The following ADAMTSL1 variants were observed in gnomAD, a reference collection of about 807,000 sequenced individuals.
The protein encoded by ADAMTSL1 is ADAMTS like 1.
Under a neutral mutation model 201.8 loss-of-function variants are expected in ADAMTSL1, and 126 were observed. The observed-to-expected ratio is 0.62, with a 90% CI of 0.54 to 0.72. The LOEUF (loss-of-function observed/expected upper bound fraction) is 0.72, where lower values mean the gene tolerates loss of function less well. Among genes scored for constraint, ADAMTSL1 ranks in the 30% least tolerant of loss-of-function variants. The pLI is 0.00. For synonymous variants in ADAMTSL1, 1,121 were observed against 903.4 expected (o/e 1.24, Z -4.32); for missense variants, 2,679 against 2,277.8 (o/e 1.18, Z -3.59).
At chr9:18,256,786 C>G (rs1831706927) in intron 2 of ADAMTSL1, among the ~76,000 whole-genome samples, 1 of 152,214 alleles carries the variant, frequency 6.6e-6, no homozygotes, top group Admixed American at 6.5e-5. Context: ...CCCGGGTGCT[C>G]TGATAGTGAC....
chr9:18,729,255 T>C (rs559754381), intron 15 of ADAMTSL1, among the ~76,000 whole-genome samples: 8 of 152,352 alleles, frequency 5.3e-5, no homozygotes, highest in East Asian at 3.9e-4. Flanking sequence ...TATTCTGTGA[T>C]TCTTTGAAGG....
chr9:18,604,797 C>T (rs895321500), intron 4 of ADAMTSL1, among the ~76,000 whole-genome samples: 2 of 152,092 alleles, frequency 1.3e-5, no homozygotes, highest in East Asian at 3.9e-4. Flanking sequence ...TACAGAATCA[C>T]GTGGTAATTG....
intron 2 of ADAMTSL1, among the ~76,000 whole-genome samples, chr9:18,373,997 C>A (rs1014550779): frequency 1.6e-4 from 25 of 152,188 alleles, no homozygotes; most frequent in African/African-American, 6.0e-4. Context: ...TAGGAACTTT[C>A]CATCTGGGGA....
chr9:18,828,403 A>T (rs1166143620), intron 22 of ADAMTSL1, among the ~76,000 whole-genome samples: 2 of 151,844 alleles, frequency 1.3e-5, no homozygotes, highest in Admixed American at 1.3e-4. Flanking sequence ...CATGAGTTTC[A>T]AGAGGAAGTA....
chr9:18,540,350 C>T (rs1276160584), intron 3 of ADAMTSL1, among the ~76,000 whole-genome samples: 5 of 152,014 alleles, frequency 3.3e-5, no homozygotes, highest in African/African-American at 9.7e-5. Flanking sequence ...GGCCGAGAAG[C>T]GATAGTGAAT....
At chr9:18,509,149 A>G (rs1230262353) in intron 2 of ADAMTSL1, among the ~76,000 whole-genome samples, 3 of 76,052 alleles carry the variant, frequency 3.9e-5, no homozygotes, top group Non-Finnish European at 7.4e-5. Flanking sequence ...GCGCCACTGC[A>G]GTCCGCAGTC....
intron 1 of ADAMTSL1, among the ~76,000 whole-genome samples, chr9:18,074,995 T>C (rs1448849865): frequency 6.6e-6 from 1 of 152,162 alleles, no homozygotes; most frequent in Non-Finnish European, 1.5e-5. Flanking sequence ...TTTATACCTA[T>C]ATTCCTTATT....
At chr9:18,016,741 A>G (rs1378039485) in intron 1 of ADAMTSL1, among the ~76,000 whole-genome samples, 1 of 152,040 alleles carries the variant, frequency 6.6e-6, no homozygotes, top group Non-Finnish European at 1.5e-5. Context: ...TTGTGTTGGT[A>G]TTTAGGGTAT....
At chr9:18,579,239 G>A (rs1159335507) in intron 4 of ADAMTSL1, among the ~76,000 whole-genome samples, 4 of 148,886 alleles carry the variant, frequency 2.7e-5, no homozygotes, top group South Asian at 2.2e-4. Context: ...GTAAACTATC[G>A]CAAGAACAAA....
chr9:18,018,898 C>G (rs546425166), intron 1 of ADAMTSL1, among the ~76,000 whole-genome samples: 4 of 151,960 alleles, frequency 2.6e-5, no homozygotes, highest in African/African-American at 7.2e-5. Context: ...ATTGCCATAA[C>G]AAATACATAA....
At chr9:18,107,135 A>T (rs962300985) in intron 1 of ADAMTSL1, among the ~76,000 whole-genome samples, 5 of 151,948 alleles carry the variant, frequency 3.3e-5, no homozygotes, top group African/African-American at 1.2e-4. Flanking sequence ...TAACTGCAGC[A>T]CTCCATGCCT....
At chr9:18,419,792 C>T (rs1028148757) in intron 2 of ADAMTSL1, among the ~76,000 whole-genome samples, 4 of 141,664 alleles carry the variant, frequency 2.8e-5, no homozygotes, top group Non-Finnish European at 4.5e-5. Context: ...GAGTGCAGTG[C>T]GATCTTAGTT....
chr9:18,751,816 G>C (rs184814543), intron 15 of ADAMTSL1, among the ~76,000 whole-genome samples: 11 of 152,316 alleles, frequency 7.2e-5, no homozygotes, highest in African/African-American at 2.6e-4. Context: ...AAGGGCAAAA[G>C]ATATTCCAAA....
intron 2 of ADAMTSL1, among the ~76,000 whole-genome samples, chr9:18,292,233 A>G (rs987249823): frequency 1.3e-5 from 2 of 152,076 alleles, no homozygotes; most frequent in Non-Finnish European, 2.9e-5. Flanking sequence ...GTTAATTTAG[A>G]AGTTCATACA....
At chr9:18,536,925 C>CTGTT (rs1243206875) in intron 3 of ADAMTSL1, among the ~76,000 whole-genome samples, 1 of 141,400 alleles carries the variant, frequency 7.1e-6, no homozygotes, top group East Asian at 2.0e-4. Flanking sequence ...TACTTATAAA[C>CTGTT]TGTTTTTTTT....
At chr9:17,973,250 C>T (rs1029007980) in intron 1 of ADAMTSL1, among the ~76,000 whole-genome samples, 2 of 149,464 alleles carry the variant, frequency 1.3e-5, no homozygotes, top group Non-Finnish European at 3.0e-5. Context: ...AGGCCTATGT[C>T]CTGAATGGTA....
At chr9:18,838,360 T>TACACACACACACACAC (rs775337751) in intron 23 of ADAMTSL1, among the ~76,000 whole-genome samples, 1 of 86,692 alleles carries the variant, frequency 1.2e-5, no homozygotes, top group African/African-American at 6.8e-5. Flanking sequence ...CAAACCATAT[T>TACACACACACACACAC]ACACACACAC....
At chr9:18,572,462 C>G (rs1028942747) in intron 3 of ADAMTSL1, among the ~76,000 whole-genome samples, 2 of 152,104 alleles carry the variant, frequency 1.3e-5, no homozygotes, top group Admixed American at 6.5e-5. Context: ...TTAAGCCTTG[C>G]TGGGTGCCTG....
intron 2 of ADAMTSL1, among the ~76,000 whole-genome samples, chr9:18,447,083 G>C (rs1184906664): frequency 6.6e-6 from 1 of 152,028 alleles, no homozygotes. Flanking sequence ...TGACTAGTTT[G>C]GAACAGTGGT....
Sources: gnomAD v4.1 joint callset for allele counts (sites outside exome capture counted in the v4.1 genomes callset) on GRCh38, gnomAD v4.1.1 for gene constraint, MANE v1.5 for transcripts, NCBI Gene and HGNC (gene_info 2026-07-23, HGNC 2026-07-21) for gene names.